SH3PXD2A: variants seen among roughly 807,000 people sequenced by gnomAD.
SH3PXD2A encodes SH3 and PX domains 2A, also known as SH3 and PX domain-containing protein 2A.
Under a neutral mutation model 115.2 loss-of-function variants are expected in SH3PXD2A, and 32 were observed. The ratio of observed to expected loss-of-function variants is 0.28; its 90% confidence interval spans 0.21 to 0.37. SH3PXD2A has a LOEUF of 0.37. Among genes scored for constraint, SH3PXD2A ranks in the 10% least tolerant of loss-of-function variants. The pLI, the probability that SH3PXD2A is intolerant of heterozygous loss-of-function variation, is 1.00. For missense variants in SH3PXD2A, 1,328 were observed against 1,498.7 expected (o/e 0.89, Z 1.88); for synonymous variants, 610 against 629.1 (o/e 0.97, Z 0.45).
At chr10:103,634,674 C>T (rs769090349) in intron 8 of SH3PXD2A, among the ~76,000 whole-genome samples, 17 of 152,142 alleles carry the variant, frequency 1.1e-4, no homozygotes, top group Non-Finnish European at 2.1e-4. Context: ...CTTGTATGTG[C>T]ACACCATGAG....
At position 103,670,372 on chromosome 10, in the gene SH3PXD2A, A is replaced by G. The variant is rs1335990060; in HGVS notation, c.428-1720T>C. Among the ~76,000 whole-genome samples, 6 of 152,346 alleles carry G rather than the reference A, an allele frequency of 3.9e-5. No homozygotes were observed. The East Asian group carries it at 1.2e-3, about 29-fold the overall frequency. ...TACCTTCTGGGTTGCTGTGAGAATT[A>G]AATTAGATAATATGTAATAGTGCCC... On this transcript the variant is annotated intron_variant, in intron 6 of 14. Coordinates refer to ENST00000369774, the MANE Select transcript of SH3PXD2A (RefSeq NM_001394015.1).
chr10:103,661,894 C>T (rs2037311380), intron 7 of SH3PXD2A: 2 of 985,210 alleles, frequency 2.0e-6, no homozygotes, highest in Non-Finnish European at 2.4e-6. Context: ...CAGCGGCTGG[C>T]GAGCCCAGCC....
intron 5 of SH3PXD2A, among the ~76,000 whole-genome samples, chr10:103,720,092 T>C (rs1044375437): frequency 1.3e-5 from 2 of 152,196 alleles, no homozygotes; most frequent in Non-Finnish European, 2.9e-5. Context: ...AAGATCAAGG[T>C]GTCAGCAGAT....
chr10:103,710,619 T>C (rs1266592077), intron 5 of SH3PXD2A, among the ~76,000 whole-genome samples: 2 of 152,178 alleles, frequency 1.3e-5, no homozygotes, highest in Non-Finnish European at 1.5e-5. Context: ...CTGGCAGTAA[T>C]GTCCCGGCCC....
intron 3 of SH3PXD2A, among the ~76,000 whole-genome samples, chr10:103,737,617 A>C (rs59267714): frequency 0.031 from 4,743 of 152,288 alleles, 230 homozygotes; most frequent in African/African-American, 0.1. Context: ...CAGAGAATGT[A>C]CCTGACATGT....
intron 4 of SH3PXD2A, among the ~76,000 whole-genome samples, chr10:103,727,789 C>G (rs1459231757): frequency 6.6e-6 from 1 of 152,218 alleles, no homozygotes; most frequent in African/African-American, 2.4e-5. Context: ...ACGGGGAGCC[C>G]TGAGGGGAGC....
chr10:103,604,195 C>T (rs1379315831), intron 14 of SH3PXD2A, among the ~76,000 whole-genome samples: 1 of 152,204 alleles, frequency 6.6e-6, no homozygotes, highest in Non-Finnish European at 1.5e-5. Flanking sequence ...GTTGCTAGGT[C>T]CTCCCTTTGA....
At chr10:103,685,027 A>C (rs1349825257) in intron 6 of SH3PXD2A, among the ~76,000 whole-genome samples, 3 of 151,138 alleles carry the variant, frequency 2.0e-5, no homozygotes, top group African/African-American at 7.3e-5. Context: ...GTCTCAAAAA[A>C]GCAAAAACAA....
chr10:103,806,072 T>C (rs1041702201), intron 1 of SH3PXD2A, among the ~76,000 whole-genome samples: 4 of 152,178 alleles, frequency 2.6e-5, no homozygotes, highest in Non-Finnish European at 1.5e-5. Flanking sequence ...GGCAAAGGAT[T>C]GTTCCTGCTA....
intron 6 of SH3PXD2A, among the ~76,000 whole-genome samples, chr10:103,675,176 G>A (rs1002138618): frequency 6.6e-6 from 1 of 152,222 alleles, no homozygotes; most frequent in Non-Finnish European, 1.5e-5. Context: ...AGCTGGCTTC[G>A]TGGAGGTGTG....
At chr10:103,833,693 G>A (rs2039503578) in intron 1 of SH3PXD2A, among the ~76,000 whole-genome samples, 1 of 152,234 alleles carries the variant, frequency 6.6e-6, no homozygotes, top group African/African-American at 2.4e-5. Flanking sequence ...GCAACTGAAC[G>A]CCTCCTAACG....
chr10:103,634,015 C>T (rs994225089), intron 8 of SH3PXD2A, among the ~76,000 whole-genome samples: 6 of 152,204 alleles, frequency 3.9e-5, no homozygotes, highest in Non-Finnish European at 7.3e-5. Flanking sequence ...GCCGTACATT[C>T]GGCTCCATAG....
chr10:103,679,348 C>A (rs1174865421), intron 6 of SH3PXD2A, among the ~76,000 whole-genome samples: 2 of 152,202 alleles, frequency 1.3e-5, no homozygotes, highest in African/African-American at 2.4e-5. Context: ...ACAGCCAGAG[C>A]CAGAAAAGCC....
At chr10:103,688,182 C>T (rs1455597796) in intron 6 of SH3PXD2A, among the ~76,000 whole-genome samples, 1 of 152,212 alleles carries the variant, frequency 6.6e-6, no homozygotes, top group African/African-American at 2.4e-5. Context: ...CTCTGGATTA[C>T]CAAAGCCTCC....
chr10:103,651,801 A>G (rs753652955), intron 8 of SH3PXD2A, among the ~76,000 whole-genome samples: 9 of 152,240 alleles, frequency 5.9e-5, no homozygotes, highest in Non-Finnish European at 1.2e-4. Context: ...GCATCTCTCC[A>G]GGTGGCCTTG....
chr10:103,788,010 T>C (rs945991952), intron 2 of SH3PXD2A, among the ~76,000 whole-genome samples: 3 of 152,090 alleles, frequency 2.0e-5, no homozygotes, highest in African/African-American at 7.2e-5. Context: ...TTACTGCAGC[T>C]TGGAGGTACC....
At chr10:103,779,468 G>T (rs904288047) in intron 2 of SH3PXD2A, among the ~76,000 whole-genome samples, 10 of 152,180 alleles carry the variant, frequency 6.6e-5, no homozygotes, top group Non-Finnish European at 1.3e-4. Context: ...GGAGCCTGGT[G>T]CTGGAGCAGG....
At chr10:103,663,958 C>T (rs2037349387) in intron 7 of SH3PXD2A, among the ~76,000 whole-genome samples, 1 of 152,218 alleles carries the variant, frequency 6.6e-6, no homozygotes, top group Non-Finnish European at 1.5e-5. Context: ...GGCAGAAATG[C>T]AACCAACAGC....
rs1168619763 is a variant in SH3PXD2A, at chr10:103,719,585, G to A, written c.398+4685C>T. 2.6e-5 allele frequency among the ~76,000 whole-genome samples: 4 copies of A among 152,106 alleles called. No homozygotes were observed. In the South Asian group the frequency reaches 6.2e-4, roughly 24 times the overall value. On this transcript the variant is annotated intron_variant, in intron 5 of 14. Transcript: ENST00000369774. ...ACAGCTGTGAACAGAACAAAGACAA[G>A]TTCATACTCTCCTGGAGCCTGTGTT... is the stretch of plus-strand genomic sequence containing the variant.
Sources: gnomAD v4.1 joint callset for allele counts (sites outside exome capture counted in the v4.1 genomes callset) on GRCh38, gnomAD v4.1.1 for gene constraint, MANE v1.5 for transcripts, NCBI Gene and HGNC (gene_info 2026-07-23, HGNC 2026-07-21) for gene names.